Variants in UAP1 observed in about 807,000 individuals in gnomAD.
UAP1 encodes the protein UDP-N-acetylhexosamine pyrophosphorylase.
UAP1 carries 25 observed loss-of-function variants against 58.5 expected under a neutral mutation model. The ratio of observed to expected loss-of-function variants is 0.43; its 90% confidence interval spans 0.31 to 0.60. The LOEUF (loss-of-function observed/expected upper bound fraction) is 0.60. UAP1 is among the 20% of genes least tolerant of loss of function. The pLI is 0.11. For missense variants in UAP1, 575 were observed against 630.0 expected, an observed-to-expected ratio of 0.91 and a Z score of 0.93; for synonymous variants, 208 against 213.0, an observed-to-expected ratio of 0.98 and a Z score of 0.21.
At chr1:162,567,549 C>G (rs180670700) in intron 2 of UAP1, among the ~76,000 whole-genome samples, 2 of 152,172 alleles carry the variant, frequency 1.3e-5, no homozygotes, top group Non-Finnish European at 2.9e-5. Context: ...TATTACTCCT[C>G]TGTAAGTAAA....
intron 3 of UAP1, 104 bp downstream of exon 3, chr1:162,577,085 G>T: frequency 8.8e-7 from 1 of 1,141,242 alleles, no homozygotes; most frequent in Non-Finnish European, 1.2e-6. Context: ...TCTTGTTACT[G>T]TTGATTTTCT....
intron 3 of UAP1, among the ~76,000 whole-genome samples, chr1:162,578,228 A>G (rs1176286491): frequency 1.3e-5 from 2 of 152,010 alleles, no homozygotes; most frequent in Non-Finnish European, 2.9e-5. Flanking sequence ...CAAAAGCTCT[A>G]CTAGTTTCTG....
intron 7 of UAP1, among the ~76,000 whole-genome samples, chr1:162,589,213 ATATAATAT>A (rs1432683073): frequency 1.7e-5 from 2 of 119,122 alleles, no homozygotes; most frequent in Non-Finnish European, 3.3e-5. Context: ...ATTTAAATAT[ATATAATAT>A]TTATATATTA....
At chr1:162,582,896 C>G (rs1483193167) in intron 5 of UAP1, among the ~76,000 whole-genome samples, 1 of 152,052 alleles carries the variant, frequency 6.6e-6, no homozygotes, top group East Asian at 1.9e-4. Context: ...TAATAAGCCT[C>G]CTCTGGACTC....
intron 5 of UAP1, among the ~76,000 whole-genome samples, chr1:162,586,407 G>A (rs959531688): frequency 6.6e-6 from 1 of 152,112 alleles, no homozygotes; most frequent in African/African-American, 2.4e-5. Flanking sequence ...TTTCACTGTA[G>A]CCTCAACCTC....
intron 3 of UAP1, among the ~76,000 whole-genome samples, chr1:162,577,775 C>G (rs1349983709): frequency 6.6e-6 from 1 of 151,954 alleles, no homozygotes; most frequent in African/African-American, 2.4e-5. Context: ...CCACACCTGG[C>G]TAATTTTTGT....
At chr1:162,588,925 T>C in intron 7 of UAP1, 92 bp downstream of exon 7, 2 of 1,247,358 alleles carry the variant, frequency 1.6e-6, no homozygotes, top group Admixed American at 2.6e-5. Flanking sequence ...CAGGAAACAT[T>C]TGATAGCACA....
At chr1:162,587,288 T>C (rs1172084515) in intron 5 of UAP1, among the ~76,000 whole-genome samples, 187 bp from the exon 6 acceptor site, 2 of 152,218 alleles carry the variant, frequency 1.3e-5, no homozygotes, top group Non-Finnish European at 2.9e-5. Context: ...ATATACCTCA[T>C]TTCCAGTTGG....
intron 9 of UAP1, among the ~76,000 whole-genome samples, chr1:162,597,000 C>G (rs77882248): frequency 6.6e-6 from 1 of 152,150 alleles, no homozygotes; most frequent in Non-Finnish European, 1.5e-5. Flanking sequence ...ACCTTGCCTT[C>G]GCTTGAGTGC....
At chr1:162,591,348 G>T (rs1035366641) in intron 8 of UAP1, among the ~76,000 whole-genome samples, 1 of 152,186 alleles carries the variant, frequency 6.6e-6, no homozygotes, top group Non-Finnish European at 1.5e-5. Flanking sequence ...ACTGAGGAAG[G>T]TGTCTAGAAG....
chr1:162,571,529 T>G (rs1653866669), intron 2 of UAP1, among the ~76,000 whole-genome samples: 1 of 152,214 alleles, frequency 6.6e-6, no homozygotes, highest in Admixed American at 6.5e-5. Flanking sequence ...GAAAGGGTGA[T>G]ACAGTGTTGA....
At chr1:162,597,523 AG>A in intron 9 of UAP1, 1 of 387,508 alleles carries the variant, frequency 2.6e-6, no homozygotes, top group Non-Finnish European at 4.6e-6. Context: ...GATGTATGTA[AG>A]GGGACAGTGT....
At chr1:162,596,768 T>G (rs1655645115) in intron 9 of UAP1, among the ~76,000 whole-genome samples, 1 of 152,202 alleles carries the variant, frequency 6.6e-6, no homozygotes, top group South Asian at 2.1e-4. Context: ...AGTTTGAGAC[T>G]ACGTACTTGG....
chr1:162,589,155 A>T (rs1170441172), intron 7 of UAP1, among the ~76,000 whole-genome samples: 70 of 90,864 alleles, frequency 7.7e-4, no homozygotes, highest in African/African-American at 3.0e-3. Flanking sequence ...TATAATATAT[A>T]TTATATATAA....
At chr1:162,570,721 G>A (rs1402761333) in intron 2 of UAP1, among the ~76,000 whole-genome samples, 3 of 152,002 alleles carry the variant, frequency 2.0e-5, no homozygotes, top group Non-Finnish European at 4.4e-5. Flanking sequence ...CAGCTATAAC[G>A]TGATTAAAAA....
chr1:162,592,920 T>C, intron 9 of UAP1, 138 bp downstream of exon 9: 1 of 692,230 alleles, frequency 1.4e-6, no homozygotes, highest in Non-Finnish European at 2.5e-6. Flanking sequence ...GGTGCACTGC[T>C]TACTTGGTGG....
At chr1:162,593,075 A>G in intron 9 of UAP1, 1 of 449,860 alleles carries the variant, frequency 2.2e-6, no homozygotes, top group East Asian at 3.5e-5. Flanking sequence ...AGCAGGTTAC[A>G]GGTCAGGGAG....
intron 2 of UAP1, among the ~76,000 whole-genome samples, chr1:162,568,569 A>C (rs1169972859): frequency 6.6e-6 from 1 of 152,246 alleles, no homozygotes; most frequent in Non-Finnish European, 1.5e-5. Context: ...TAGCTAACCT[A>C]GCTTTTTACT....
At chr1:162,566,338 G>C (rs1268590943) in exon 2 of UAP1, 2 of 1,613,160 alleles carry the variant, frequency 1.2e-6, no homozygotes, top group South Asian at 2.2e-5. Context: ...TCCAGGCCTG[G>C]GAAAGTGAAG....
Sources: allele counts gnomAD v4.1 joint callset (sites outside exome capture counted in the v4.1 genomes callset), GRCh38; gene constraint gnomAD v4.1.1; transcripts MANE v1.5; gene names NCBI Gene and HGNC (gene_info 2026-07-23, HGNC 2026-07-21).